CDHR2: variants seen among roughly 807,000 people sequenced by gnomAD.
CDHR2 encodes the protein cadherin-related family member 2.
In CDHR2, 104 loss-of-function variants were observed where a neutral mutation model predicts 138.6. That is an observed-to-expected ratio of 0.75 (90% CI 0.64 to 0.88). The LOEUF (loss-of-function observed/expected upper bound fraction) is 0.88, where lower values mean the gene tolerates loss of function less well. Ranked by LOEUF, CDHR2 falls within the 40% of genes least tolerant of loss-of-function variation. The pLI is 0.00. For synonymous variants in CDHR2, 755 were observed against 742.8 expected (o/e 1.02, Z -0.27); for missense variants, 1,624 against 1,727.6 (o/e 0.94, Z 1.06).
chr5:176,571,278 C>T lies in CDHR2; in HGVS notation c.381C>T (p.Thr127=), dbSNP rs185293979. The change falls in exon 6 of 32, where the codon ACC becomes ACT. Residue 127 remains threonine (T), a synonymous_variant. Transcript: ENST00000261944. ...ACAACGCACCCGTTTTCCAGAACACCGCTTTCTCCACCAGCATCAACGAGG... is the reference window on the plus strand; with the variant it reads ...ACAACGCACCCGTTTTCCAGAACACTGCTTTCTCCACCAGCATCAACGAGG... ...RNDNAPVFQN[T]AFSTSINETL... 42 of 1,609,922 alleles carry T rather than the reference C, an allele frequency of 2.6e-5. No individual in the cohort carries two copies. Among genetic ancestry groups the T allele is most frequent in the African/African-American group, 2.4e-4 (18 of 74,612 alleles).
At position 176,575,589 on chromosome 5, in the gene CDHR2, CG is replaced by C; in HGVS notation, c.844+12del. Reference sequence around the variant, plus strand: ...TGATCTACAGCATCTCCTGTGAGAACGGGGTGTCCCCAGGCCAGGGCTGGGC... The same window carrying C: ...TGATCTACAGCATCTCCTGTGAGAACGGGTGTCCCCAGGCCAGGGCTGGGC... On this transcript the variant is annotated intron_variant, in intron 10 of 31. Coordinates refer to ENST00000261944, the MANE Select transcript of CDHR2 (RefSeq NM_017675.6). The C allele has an allele frequency of 6.2e-7, 1 of 1,613,750 alleles. No homozygotes were observed.
At chr5:176,566,588 T>C (rs1052167781) in intron 3 of CDHR2, among the ~76,000 whole-genome samples, 1 of 152,190 alleles carries the variant, frequency 6.6e-6, no homozygotes, top group Admixed American at 6.5e-5. Flanking sequence ...CTGCCCTCCC[T>C]GCAGGGCTTG....
At chr5:176,549,847 G>C (rs1757665828) in intron 1 of CDHR2, among the ~76,000 whole-genome samples, 1 of 152,188 alleles carries the variant, frequency 6.6e-6, no homozygotes, top group African/African-American at 2.4e-5. Context: ...TAACTCTTCT[G>C]GGCCTCCGTT....
At chr5:176,577,915 G>A (rs1033675185) in intron 14 of CDHR2, 117 bp downstream of exon 14, 3 of 1,477,864 alleles carry the variant, frequency 2.0e-6, no homozygotes, top group East Asian at 4.7e-5. Flanking sequence ...GTGAATCTGA[G>A]TGTGCTGGGG....
chr5:176,549,992 AC>A (rs1281407797), intron 1 of CDHR2, among the ~76,000 whole-genome samples: 3 of 152,146 alleles, frequency 2.0e-5, no homozygotes, highest in Admixed American at 6.5e-5. Flanking sequence ...GCAGGGACTG[AC>A]CCAGGCTGGC....
Position 176,584,861 on chromosome 5 carries a change from C to A in CDHR2, c.2580C>A (p.Ser860Arg). The change falls in exon 19 of 32, where the codon AGC becomes AGA. Residue 860 changes from serine (S) to arginine (R), a missense_variant. By Grantham distance (110) the Ser-to-Arg change is moderately radical (BLOSUM62 -1). Coordinates refer to ENST00000261944, the MANE Select transcript of CDHR2 (RefSeq NM_017675.6). ...CCAAGGCCGGGGTCGATGTGGGCAG[C>A]CTATGCTGGGGCTGGTTCTCAGTGG... ...LCTKAGVDVG[S>R]LCWGWFSVAA... 1 of 1,614,142 alleles carries A rather than the reference C, an allele frequency of 6.2e-7. No homozygotes were observed. Among genetic ancestry groups the A allele is most frequent in the Non-Finnish European group, 8.5e-7 (1 of 1,180,022 alleles).
intron 1 of CDHR2, among the ~76,000 whole-genome samples, chr5:176,564,390 G>A (rs1450280530): frequency 6.6e-6 from 1 of 152,186 alleles, no homozygotes; most frequent in Admixed American, 6.5e-5. Context: ...GTTTCACCAT[G>A]TTGGTCGGGC....
At chr5:176,592,016 G>C (rs1367782871) in intron 30 of CDHR2, among the ~76,000 whole-genome samples, 1 of 150,040 alleles carries the variant, frequency 6.7e-6, no homozygotes, top group African/African-American at 2.5e-5. Context: ...TAGTGGTGGT[G>C]GGTGATGGTG....
intron 31 of CDHR2, among the ~76,000 whole-genome samples, chr5:176,593,328 A>C (rs928546656): frequency 6.6e-6 from 1 of 152,242 alleles, no homozygotes; most frequent in Non-Finnish European, 1.5e-5. Flanking sequence ...ACTGATGCCC[A>C]GGTCACACCC....
intron 1 of CDHR2, among the ~76,000 whole-genome samples, chr5:176,559,156 G>A (rs1757910468): frequency 6.6e-6 from 1 of 152,210 alleles, no homozygotes; most frequent in African/African-American, 2.4e-5. Flanking sequence ...AGGCCCAGGT[G>A]TAAGCTGCAG....
intron 24 of CDHR2, among the ~76,000 whole-genome samples, 153 bp downstream of exon 24, chr5:176,589,769 C>T (rs368089178): frequency 6.6e-6 from 1 of 152,192 alleles, no homozygotes; most frequent in African/African-American, 2.4e-5. Flanking sequence ...ACCTGCACGA[C>T]GTTCTTGCAT....
Position 176,569,879 on chromosome 5 carries a change from G to A in CDHR2, c.315+869G>A, listed in dbSNP as rs562317633. On this transcript the variant is annotated intron_variant, in intron 5 of 31. Coordinates refer to ENST00000261944, the MANE Select transcript of CDHR2 (RefSeq NM_017675.6). ...GGAGGCTGAGGCACAAGAATCGCTT[G>A]AACCCGGGAGGTGGAGGTTGTATTG... Among the ~76,000 whole-genome samples, 4 of 151,958 alleles carry A rather than the reference G, an allele frequency of 2.6e-5. No individual in the cohort carries two copies. The East Asian group carries it at 5.9e-4, about 22-fold the overall frequency.
intron 14 of CDHR2, 45 bp downstream of exon 14, chr5:176,577,843 GGCGTGCAT>G (rs756396434): frequency 1.9e-6 from 3 of 1,594,334 alleles, no homozygotes; most frequent in Non-Finnish European, 2.6e-6. Context: ...CCAGCAAGCG[GGCGTGCAT>G]GTGTGAGTGT....
intron 16 of CDHR2, among the ~76,000 whole-genome samples, chr5:176,579,474 C>T (rs902380896): frequency 2.0e-5 from 3 of 152,160 alleles, no homozygotes; most frequent in Non-Finnish European, 4.4e-5. Context: ...TTTCCTCCTT[C>T]CTGCTTGGCA....
chr5:176,575,600 C>G lies in CDHR2; in HGVS notation c.844+19C>G. ...ATCTCCTGTGAGAACGGGGTGTCCCCAGGCCAGGGCTGGGCCGGGGCCAGG... is the reference window on the plus strand; with the variant it reads ...ATCTCCTGTGAGAACGGGGTGTCCCGAGGCCAGGGCTGGGCCGGGGCCAGG... On this transcript the variant is annotated intron_variant, in intron 10 of 31. Coordinates refer to ENST00000261944, the MANE Select transcript of CDHR2 (RefSeq NM_017675.6). 1 of 1,613,272 alleles carries G rather than the reference C, an allele frequency of 6.2e-7. No homozygotes were observed. Among genetic ancestry groups the G allele is most frequent in the Non-Finnish European group, 8.5e-7 (1 of 1,179,218 alleles).
At chr5:176,591,086 A>G (rs186291969) in intron 28 of CDHR2, 124 bp from the exon 29 acceptor site, 1 of 678,848 alleles carries the variant, frequency 1.5e-6, no homozygotes, top group Non-Finnish European at 2.6e-6. Flanking sequence ...TCTTACTTCT[A>G]CCCTCTGTAA....
intron 28 of CDHR2, 115 bp from the exon 29 acceptor site, chr5:176,591,094 TA>T: frequency 1.4e-6 from 1 of 701,828 alleles, no homozygotes; most frequent in Non-Finnish European, 2.5e-6. Flanking sequence ...CTACCCTCTG[TA>T]AAATAGAGCT....
chr5:176,569,517 T>C (rs1311095975), intron 5 of CDHR2, among the ~76,000 whole-genome samples: 2 of 151,916 alleles, frequency 1.3e-5, no homozygotes, highest in African/African-American at 2.4e-5. Flanking sequence ...CTCCTGACCT[T>C]GTGATCCGCC....
chr5:176,586,675 G>T, intron 20 of CDHR2, 118 bp from the exon 21 acceptor site: 2 of 846,500 alleles, frequency 2.4e-6, no homozygotes, highest in Non-Finnish European at 3.8e-6. Flanking sequence ...GGTCTCTTTT[G>T]GTAGAGAGGT....
Sources: allele counts gnomAD v4.1 joint callset (sites outside exome capture counted in the v4.1 genomes callset), GRCh38; gene constraint gnomAD v4.1.1; transcripts MANE v1.5; gene names NCBI Gene and HGNC (gene_info 2026-07-23, HGNC 2026-07-21).